The following VPS50 variants were observed in gnomAD, a reference collection of about 807,000 sequenced individuals.
VPS50 encodes the protein VPS50 subunit of EARP/GARPII complex.
Under a neutral mutation model 139.7 loss-of-function variants are expected in VPS50, and 70 were observed. That is an observed-to-expected ratio of 0.50 (90% CI 0.41 to 0.61). The LOEUF is 0.61. Among genes scored for constraint, VPS50 ranks in the 20% least tolerant of loss-of-function variants. The pLI, the probability that VPS50 is intolerant of heterozygous loss-of-function variation, is 0.00. For synonymous variants in VPS50, 365 were observed against 376.7 expected, an observed-to-expected ratio of 0.97 and a Z score of 0.36; for missense variants, 921 against 1,133.7, an observed-to-expected ratio of 0.81 and a Z score of 2.69.
rs1368790588 is a variant in VPS50, at chr7:93,328,917, C to G, written c.1977+5185C>G. Among the ~76,000 whole-genome samples, 3 of 151,750 alleles carry G rather than the reference C, an allele frequency of 2.0e-5. No homozygotes were observed. In the East Asian group the frequency reaches 5.8e-4, roughly 29 times the overall value. On this transcript the variant is annotated intron_variant, in intron 21 of 27. Transcript: ENST00000305866. The stretch of plus-strand genomic sequence containing the variant: ...TATATGGAACAAACTGACTGCAGCC[C>G]AGTGAAAGAAAAAAAATATAAACGG...
chr7:93,242,040 G>A (rs1795007391), intron 2 of VPS50, among the ~76,000 whole-genome samples: 2 of 151,588 alleles, frequency 1.3e-5, no homozygotes, highest in African/African-American at 4.8e-5. Flanking sequence ...TAAAATTAAT[G>A]TATGCTCTAA....
chr7:93,334,117 T>C lies in VPS50; in HGVS notation c.1978T>C (p.Leu660=), dbSNP rs1194460356. 6.4e-7 allele frequency: 1 copy of C among 1,562,360 alleles called. No individual in the cohort carries two copies. The highest frequency in any genetic ancestry group is 8.8e-7 in the Non-Finnish European group (1 of 1,140,012). The change falls in exon 22 of 28, where the codon TTG becomes CTG. Residue 660 remains leucine (L), a splice_region_variant and synonymous_variant. Transcript: ENST00000305866. The part of the protein sequence containing the change: ...IYTFFGRNDS[L]ESTGLGLSSS... Reference sequence around the variant, plus strand: ...TATAACAAGCCTTTTTCTTTTTCAGTTGGAATCAACTGGACTCGGCCTTAG... The same window carrying C: ...TATAACAAGCCTTTTTCTTTTTCAGCTGGAATCAACTGGACTCGGCCTTAG...
At chr7:93,261,695 A>G (rs1011926063) in intron 9 of VPS50, among the ~76,000 whole-genome samples, 17 of 151,602 alleles carry the variant, frequency 1.1e-4, no homozygotes, top group East Asian at 1.9e-4. Flanking sequence ...AAAAAAAAAA[A>G]AAAAGAAATT....
At position 93,277,057 on chromosome 7, in the gene VPS50, C is replaced by T. The variant is rs139055241; in HGVS notation, c.942+752C>T. Among the ~76,000 whole-genome samples, 241 of 152,064 alleles carry T rather than the reference C, an allele frequency of 1.6e-3. 3 individuals are homozygous for T. Among genetic ancestry groups the T allele is most frequent in the African/African-American group, 5.7e-3 (238 of 41,478 alleles). On this transcript the variant is annotated intron_variant, in intron 12 of 27. Transcript: ENST00000305866. Reference sequence around the variant, plus strand: ...TCTACTTGTATTTAAAGCCCTGATACCAGGTAAGAAGATTGAGGTGAAAGG... The same window carrying T: ...TCTACTTGTATTTAAAGCCCTGATATCAGGTAAGAAGATTGAGGTGAAAGG...
At chr7:93,326,187 T>TATCA (rs1285404361) in intron 21 of VPS50, among the ~76,000 whole-genome samples, 1 of 150,638 alleles carries the variant, frequency 6.6e-6, no homozygotes, top group African/African-American at 2.4e-5. Flanking sequence ...CTCAGTAAAC[T>TATCA]ATCACAAGGA....
chr7:93,340,149 G>A (rs892173252), intron 22 of VPS50, among the ~76,000 whole-genome samples: 1 of 152,076 alleles, frequency 6.6e-6, no homozygotes, highest in Non-Finnish European at 1.5e-5. Context: ...TCTCTCCTTC[G>A]TGCCCCAGAA....
chr7:93,346,420 A>G (rs1326376352), intron 23 of VPS50, among the ~76,000 whole-genome samples: 2 of 152,192 alleles, frequency 1.3e-5, no homozygotes, highest in Non-Finnish European at 2.9e-5. Context: ...TACAGATTCA[A>G]TGCCATCCCC....
intron 18 of VPS50, among the ~76,000 whole-genome samples, chr7:93,308,298 T>A (rs1797173211): frequency 6.6e-6 from 1 of 151,894 alleles, no homozygotes; most frequent in Admixed American, 6.6e-5. Context: ...ATTTTTGTCC[T>A]CATTCTCAGC....
intron 21 of VPS50, among the ~76,000 whole-genome samples, chr7:93,330,262 G>C (rs1022276166): frequency 6.6e-6 from 1 of 152,022 alleles, no homozygotes; most frequent in Non-Finnish European, 1.5e-5. Context: ...GAATATTAAA[G>C]TAGAAATCTA....
intron 12 of VPS50, among the ~76,000 whole-genome samples, chr7:93,280,259 G>A (rs925361085): frequency 6.6e-6 from 1 of 151,976 alleles, no homozygotes. Flanking sequence ...TTTATTGGTT[G>A]TCTTTCAGTC....
chr7:93,348,439 C>T (rs1261836017), intron 23 of VPS50, among the ~76,000 whole-genome samples: 1 of 152,290 alleles, frequency 6.6e-6, no homozygotes, highest in South Asian at 2.1e-4. Context: ...ACATTTGAAG[C>T]ACATGACTAC....
chr7:93,333,412 A>T (rs920834777), intron 21 of VPS50, among the ~76,000 whole-genome samples: 10 of 152,282 alleles, frequency 6.6e-5, no homozygotes, highest in African/African-American at 2.4e-4. Context: ...AATGTTTTAA[A>T]TTTATTGGCT....
Position 93,243,525 on chromosome 7 carries a change from G to A in VPS50, c.102+3591G>A, listed in dbSNP as rs188523931. Among the ~76,000 whole-genome samples, 5 of 152,058 alleles carry A rather than the reference G, an allele frequency of 3.3e-5. No homozygotes were observed. In the East Asian group the frequency reaches 9.6e-4, roughly 29 times the overall value. ...TTTGGAAGTTTTACTGAGAATTTTT[G>A]TAGAATAAGATAGAATGACCTAAAA... On this transcript the variant is annotated intron_variant, in intron 2 of 27. Transcript: ENST00000305866.
intron 12 of VPS50, among the ~76,000 whole-genome samples, chr7:93,277,885 A>G (rs1191555320): frequency 1.3e-5 from 2 of 152,060 alleles, no homozygotes; most frequent in African/African-American, 2.4e-5. Flanking sequence ...AAAATTACCC[A>G]ATCACCTTTT....
chr7:93,259,504 G>A, intron 8 of VPS50, 46 bp from the exon 9 acceptor site: 1 of 1,001,074 alleles, frequency 1.0e-6, no homozygotes, highest in Non-Finnish European at 1.5e-6. Context: ...GGGGCTTTAA[G>A]AAAAAATGTT....
At chr7:93,321,823 T>C (rs1365818640) in intron 20 of VPS50, among the ~76,000 whole-genome samples, 1 of 152,264 alleles carries the variant, frequency 6.6e-6, no homozygotes, top group Non-Finnish European at 1.5e-5. Flanking sequence ...TACCTCATTC[T>C]ACTTATTCAT....
intron 12 of VPS50, among the ~76,000 whole-genome samples, chr7:93,278,961 C>T (rs1796244876): frequency 6.6e-6 from 1 of 152,076 alleles, no homozygotes; most frequent in Non-Finnish European, 1.5e-5. Context: ...TGTGCTAAAA[C>T]ATTAGTTGAA....
At chr7:93,334,485 G>A (rs1443448132) in intron 22 of VPS50, among the ~76,000 whole-genome samples, 4 of 152,172 alleles carry the variant, frequency 2.6e-5, no homozygotes, top group Non-Finnish European at 4.4e-5. Flanking sequence ...AGTAACACTT[G>A]TGCTAGGCTT....
intron 16 of VPS50, among the ~76,000 whole-genome samples, chr7:93,300,634 T>C (rs1435758418): frequency 6.6e-6 from 1 of 152,096 alleles, no homozygotes; most frequent in African/African-American, 2.4e-5. Flanking sequence ...ATAATTTTGA[T>C]AAAAATTCTA....
Sources: allele counts gnomAD v4.1 joint callset (sites outside exome capture counted in the v4.1 genomes callset), GRCh38; gene constraint gnomAD v4.1.1; transcripts MANE v1.5; gene names NCBI Gene and HGNC (gene_info 2026-07-23, HGNC 2026-07-21).